TNRC18: variants seen among roughly 807,000 people sequenced by gnomAD.
TNRC18 encodes the protein trinucleotide repeat-containing gene 18 protein.
In TNRC18, 69 loss-of-function variants were observed where a neutral mutation model predicts 226.7. That is an observed-to-expected ratio of 0.30 (90% CI 0.25 to 0.37). The LOEUF (loss-of-function observed/expected upper bound fraction) is 0.37. Ranked by LOEUF, TNRC18 falls within the 10% of genes least tolerant of loss-of-function variation. The pLI is 1.00. For synonymous variants in TNRC18, 2,449 were observed against 1,927.6 expected (o/e 1.27, Z -7.09); for missense variants, 4,754 against 4,256.6 (o/e 1.12, Z -3.25).
At chr7:5,340,733 A>T (rs1332563980) in intron 18 of TNRC18, among the ~76,000 whole-genome samples, 1 of 129,784 alleles carries the variant, frequency 7.7e-6, no homozygotes, top group African/African-American at 3.0e-5. Context: ...ACAGAGTGAG[A>T]CTCCATCTCA....
chr7:5,358,815 A>AAAAC (rs200977627), intron 15 of TNRC18, among the ~76,000 whole-genome samples: 3 of 152,258 alleles, frequency 2.0e-5, no homozygotes, highest in African/African-American at 7.2e-5. Flanking sequence ...CTGTCTCAAA[A>AAAAC]AAACAAACAA....
At chr7:5,400,479 G>C (rs191126959) in intron 2 of TNRC18, among the ~76,000 whole-genome samples, 1 of 152,096 alleles carries the variant, frequency 6.6e-6, no homozygotes, top group Non-Finnish European at 1.5e-5. Flanking sequence ...GCATGGTGTC[G>C]TGTCCCTATA....
chr7:5,330,511 T>C (rs1283314457), intron 19 of TNRC18, among the ~76,000 whole-genome samples: 1 of 151,842 alleles, frequency 6.6e-6, no homozygotes, highest in Non-Finnish European at 1.5e-5. Flanking sequence ...AGTGCTGGGA[T>C]TGCAGGCGTG....
chr7:5,387,057 A>C (rs143423784), intron 5 of TNRC18, among the ~76,000 whole-genome samples: 1 of 152,222 alleles, frequency 6.6e-6, no homozygotes, highest in Non-Finnish European at 1.5e-5. Context: ...CTGGGCAACA[A>C]GAGTGAAACT....
At chr7:5,400,797 C>G (rs906135404) in intron 2 of TNRC18, among the ~76,000 whole-genome samples, 8 of 152,026 alleles carry the variant, frequency 5.3e-5, no homozygotes, top group African/African-American at 1.9e-4. Context: ...TCAGCACTAC[C>G]AGAGGTCAAG....
chr7:5,354,189 G>A (rs1352894240), intron 16 of TNRC18, among the ~76,000 whole-genome samples: 1 of 151,940 alleles, frequency 6.6e-6, no homozygotes, highest in East Asian at 1.9e-4. Flanking sequence ...GGCAAAAACA[G>A]CAAAACTCCA....
At chr7:5,420,281 G>A (rs537768910) in intron 2 of TNRC18, 149 of 423,140 alleles carry the variant, frequency 3.5e-4, no homozygotes, top group African/African-American at 2.5e-3. Context: ...GAGACCCAGG[G>A]TTTTCCCCTC....
intron 18 of TNRC18, among the ~76,000 whole-genome samples, chr7:5,335,558 T>G (rs1790009267): frequency 6.8e-6 from 1 of 147,584 alleles, no homozygotes; most frequent in Admixed American, 6.9e-5. Context: ...TGAGCTGAGA[T>G]CGCGCCACTG....
intron 19 of TNRC18, among the ~76,000 whole-genome samples, chr7:5,326,401 C>T (rs1445244914): frequency 2.0e-5 from 3 of 152,158 alleles, no homozygotes; most frequent in Non-Finnish European, 2.9e-5. Context: ...TAACCACCCC[C>T]GCGATGAGAA....
intron 3 of TNRC18, among the ~76,000 whole-genome samples, chr7:5,390,859 A>G (rs971256437): frequency 6.6e-6 from 1 of 152,022 alleles, no homozygotes; most frequent in Admixed American, 6.6e-5. Context: ...CCCCCCAGAA[A>G]GAGGATCAGA....
rs1325185916 is a variant in TNRC18, at chr7:5,364,461, AAACACACACACAC to A, written c.4220-1649_4220-1637del. ...CAACAGAGCGAGCCTGTCTCAAAGAAAACACACACACACACACACACACACACACACACACACA... is the reference window on the plus strand; with the variant it reads ...CAACAGAGCGAGCCTGTCTCAAAGAAACACACACACACACACACACACACA... On this transcript the variant is annotated intron_variant, in intron 11 of 29. Coordinates refer to ENST00000430969, the MANE Select transcript of TNRC18 (RefSeq NM_001080495.3). Among the ~76,000 whole-genome samples, 279 of 124,964 alleles carry A rather than the reference AAACACACACACAC, an allele frequency of 2.2e-3. 2 individuals carry two copies. Among genetic ancestry groups the A allele is most frequent in the East Asian group, 0.015 (65 of 4,286 alleles). The allele number at this position is 124,964 out of a possible 152,430, so 82.0% of individuals were successfully genotyped here. A position where few individuals can be genotyped will look rare whatever the true frequency, so the allele number is the denominator to read the frequency against.
intron 18 of TNRC18, among the ~76,000 whole-genome samples, chr7:5,342,434 A>G (rs1263763874): frequency 6.6e-6 from 1 of 152,076 alleles, no homozygotes; most frequent in African/African-American, 2.4e-5. Flanking sequence ...GTCTCAAAAA[A>G]AAAAAAAAAG....
At chr7:5,333,681 C>G (rs1789796100) in intron 18 of TNRC18, among the ~76,000 whole-genome samples, 2 of 152,124 alleles carry the variant, frequency 1.3e-5, no homozygotes, top group Non-Finnish European at 2.9e-5. Context: ...CAGCACTCGC[C>G]CAGCACCCAC....
chr7:5,308,057 G>C lies in TNRC18; in HGVS notation c.*49C>G, dbSNP rs561594758. The C allele has an allele frequency of 1.5e-5, 23 of 1,506,084 alleles. No homozygotes were observed. The South Asian group carries it at 2.7e-4, about 18-fold the overall frequency. The allele number at this position is 1,506,084 out of a possible 1,614,324, so 93.3% of individuals were successfully genotyped here. A position where few individuals can be genotyped will look rare whatever the true frequency, so the allele number is the denominator to read the frequency against. ...CCGCGCCATGGCAGTGATGGAGATGGGTCCCTGGCCGCCCTCGGGGCACAG... is the reference window on the plus strand; with the variant it reads ...CCGCGCCATGGCAGTGATGGAGATGCGTCCCTGGCCGCCCTCGGGGCACAG... On this transcript the variant is annotated 3_prime_UTR_variant, in exon 30 of 30. Transcript: ENST00000430969.
rs563889463 is a variant in TNRC18 at position 5,347,893 on chromosome 7, T to C, written c.5471-2083A>G. ...TCACTTGAACCCCGGAGGCGGAGGT[T>C]ACAGTGAGCCGCGATCGCCACTGCA... On this transcript the variant is annotated intron_variant, in intron 17 of 29. Coordinates refer to ENST00000430969, the MANE Select transcript of TNRC18 (RefSeq NM_001080495.3). Among the ~76,000 whole-genome samples the C allele has an allele frequency of 2.0e-3, 297 of 150,586 alleles. 3 individuals carry two copies. Among genetic ancestry groups the C allele is most frequent in the African/African-American group, 6.6e-3 (270 of 40,824 alleles).
chr7:5,396,081 G>A (rs1447462155), intron 2 of TNRC18, among the ~76,000 whole-genome samples: 2 of 149,092 alleles, frequency 1.3e-5, no homozygotes, highest in African/African-American at 2.5e-5. Flanking sequence ...TGAGGCAGGA[G>A]AATCACTTGA....
intron 19 of TNRC18, among the ~76,000 whole-genome samples, chr7:5,331,270 C>T (rs779308077): frequency 6.6e-6 from 1 of 152,098 alleles, no homozygotes; most frequent in Admixed American, 6.6e-5. Flanking sequence ...TAAGTCTGAA[C>T]GCATCCAAAT....
chr7:5,412,645 A>G (rs1781920018), intron 2 of TNRC18, among the ~76,000 whole-genome samples: 1 of 152,210 alleles, frequency 6.6e-6, no homozygotes, highest in Admixed American at 6.5e-5. Flanking sequence ...AAATGAACTC[A>G]TTCACTCTAA....
chr7:5,337,702 T>C (rs1366854940), intron 18 of TNRC18, among the ~76,000 whole-genome samples: 2 of 152,156 alleles, frequency 1.3e-5, no homozygotes, highest in Non-Finnish European at 2.9e-5. Flanking sequence ...ACTAAGTTTG[T>C]GGTCGGGTCC....
Sources: gnomAD v4.1 joint callset for allele counts (sites outside exome capture counted in the v4.1 genomes callset) on GRCh38, gnomAD v4.1.1 for gene constraint, MANE v1.5 for transcripts, NCBI Gene and HGNC (gene_info 2026-07-23, HGNC 2026-07-21) for gene names.